The following AOAH variants were observed in gnomAD, a reference collection of about 807,000 sequenced individuals.
AOAH encodes the protein acyloxyacyl hydrolase (neutrophil).
Under a neutral mutation model 92.2 loss-of-function variants are expected in AOAH, and 64 were observed. That is an observed-to-expected ratio of 0.69 (90% confidence interval 0.57 to 0.86). AOAH has a LOEUF of 0.86. Among genes scored for constraint, AOAH ranks in the 40% least tolerant of loss-of-function variants. The pLI is 0.00. For missense variants in AOAH, 656 were observed against 694.6 expected, an observed-to-expected ratio of 0.94 and a Z score of 0.62; for synonymous variants, 263 against 254.5, an observed-to-expected ratio of 1.03 and a Z score of -0.32.
Position 36,522,108 on chromosome 7 carries a change from C to T in AOAH, c.1530G>A (p.Gln510=), listed in dbSNP as rs1204021444. The T allele has an allele frequency of 4.3e-6, 7 of 1,614,048 alleles. No homozygotes were observed. The highest frequency in any genetic ancestry group is 5.9e-6 in the Non-Finnish European group (7 of 1,180,016). The change falls in exon 20 of 21, where the codon CAG becomes CAA. Residue 510 remains glutamine, a synonymous_variant. Transcript: ENST00000617537. ...YMDFAFHEII[Q]EWQKRGGQPW... is the part of the protein sequence containing the mutation. ...GCTGTCCGCCTCTCTTCTGCCACTCCTGTATGACTGCAGGGCACATAACGA... is the reference window on the plus strand; with the variant it reads ...GCTGTCCGCCTCTCTTCTGCCACTCTTGTATGACTGCAGGGCACATAACGA...
chr7:36,514,692 T>C, intron 20 of AOAH: 1 of 803,516 alleles, frequency 1.2e-6, no homozygotes, highest in Admixed American at 2.2e-5. Flanking sequence ...CAATGAGAAA[T>C]GTGATTGCTG....
intron 9 of AOAH, among the ~76,000 whole-genome samples, chr7:36,618,806 T>C (rs562709646): frequency 1.4e-3 from 209 of 152,370 alleles, no homozygotes; most frequent in Non-Finnish European, 2.3e-3. Flanking sequence ...ACATTGGCAA[T>C]GTCTGGAGAC....
At chr7:36,644,003 A>G (rs778809571) in intron 4 of AOAH, among the ~76,000 whole-genome samples, 2 of 152,226 alleles carry the variant, frequency 1.3e-5, no homozygotes, top group South Asian at 2.1e-4. Context: ...GTATCTCTTT[A>G]TAGCAGTGCA....
chr7:36,700,945 C>T (rs1360640588), intron 1 of AOAH, among the ~76,000 whole-genome samples: 1 of 152,000 alleles, frequency 6.6e-6, no homozygotes, highest in Non-Finnish European at 1.5e-5. Flanking sequence ...TGATGTTGAA[C>T]ATTGTTTAAT....
At chr7:36,570,743 CATA>C (rs1004870875) in intron 13 of AOAH, among the ~76,000 whole-genome samples, 9 of 152,184 alleles carry the variant, frequency 5.9e-5, no homozygotes, top group Admixed American at 3.3e-4. Context: ...TTAAATGAAA[CATA>C]ATCTTGCCAA....
intron 1 of AOAH, among the ~76,000 whole-genome samples, chr7:36,722,778 C>CA (rs1189981816): frequency 4.0e-5 from 6 of 151,320 alleles, no homozygotes; most frequent in Admixed American, 1.3e-4. Context: ...ACTAAAAATA[C>CA]AAAAAATTAG....
At chr7:36,607,190 G>C (rs1271075242) in intron 11 of AOAH, among the ~76,000 whole-genome samples, 1 of 152,166 alleles carries the variant, frequency 6.6e-6, no homozygotes, top group African/African-American at 2.4e-5. Context: ...GGTCATGTAC[G>C]CACAGATGTG....
rs62445912 is a variant in AOAH at position 36,676,621 on chromosome 7, C to T, written c.224-2612G>A. ...TGAGCAGCAGATCCTAACATTCATA[C>T]GAAAAGTCAAGCGACTCAGAACACC... On this transcript the variant is annotated intron_variant, in intron 2 of 20. Transcript: ENST00000617537. Among the ~76,000 whole-genome samples the T allele has an allele frequency of 9.1e-3, 1,392 of 152,186 alleles. 13 individuals carry two copies. Among genetic ancestry groups the T allele is most frequent in the Non-Finnish European group, 0.014 (973 of 67,988 alleles).
At chr7:36,623,363 G>A in intron 6 of AOAH, 113 bp from the exon 7 acceptor site, 2 of 910,954 alleles carry the variant, frequency 2.2e-6, no homozygotes, top group Non-Finnish European at 3.4e-6. Flanking sequence ...ATGCCACAGA[G>A]GGCCATTCTA....
At chr7:36,720,395 T>G (rs980818908) in intron 1 of AOAH, among the ~76,000 whole-genome samples, 2 of 152,012 alleles carry the variant, frequency 1.3e-5, no homozygotes, top group Non-Finnish European at 2.9e-5. Flanking sequence ...CAGGTCTCAA[T>G]CTGCTGACCT....
At chr7:36,722,693 T>A (rs1319899923) in intron 1 of AOAH, among the ~76,000 whole-genome samples, 1 of 144,942 alleles carries the variant, frequency 6.9e-6, no homozygotes, top group Non-Finnish European at 1.5e-5. Flanking sequence ...CCCAGCACTT[T>A]GGGAGCCAAG....
rs554697657 is a variant in AOAH at position 36,635,277 on chromosome 7, A to G, written c.450+2574T>C. ...TCCCTGGGGACAGGAGTCATGCAGC[A>G]TCTTTGCTTTGCAATCTATTTAACC... On this transcript the variant is annotated intron_variant, in intron 5 of 20. Coordinates refer to ENST00000617537, the MANE Select transcript of AOAH (RefSeq NM_001637.4). Among the ~76,000 whole-genome samples, 52 of 152,356 alleles carry G rather than the reference A, an allele frequency of 3.4e-4. 1 individual carries two copies. In the Middle Eastern group the frequency reaches 0.01, roughly 30 times the overall value.
rs1440707835 is a variant in AOAH at position 36,513,304 on chromosome 7, T to A, written c.1676A>T (p.Asn559Ile). The change falls in exon 21 of 21, where the codon AAT becomes ATT. Residue 559 changes from asparagine (N) to isoleucine (I), a missense_variant. Transcript: ENST00000617537. The stretch of plus-strand genomic sequence containing the variant: ...CTGTTTAATCTGGGGGTTGAACGGA[T>A]TCTCCTTTCCCAGGATTTGGGGCCA... ...LQWPQILGKE[N>I]PFNPQIKQVF... 6.2e-7 allele frequency: 1 copy of A among 1,614,160 alleles called. No individual in the cohort carries two copies. Among genetic ancestry groups the A allele is most frequent in the Non-Finnish European group, 8.5e-7 (1 of 1,180,018 alleles).
At chr7:36,599,537 G>C (rs1417303857) in intron 11 of AOAH, among the ~76,000 whole-genome samples, 1 of 152,146 alleles carries the variant, frequency 6.6e-6, no homozygotes, top group African/African-American at 2.4e-5. Flanking sequence ...GTCACTTGGA[G>C]GAATCTAAGT....
intron 4 of AOAH, among the ~76,000 whole-genome samples, chr7:36,646,383 A>G (rs1467428491): frequency 6.6e-6 from 1 of 152,182 alleles, no homozygotes; most frequent in African/African-American, 2.4e-5. Flanking sequence ...TCTTATTTAT[A>G]GTATGTTGTC....
intron 3 of AOAH, 53 bp downstream of exon 3, chr7:36,673,890 T>C: frequency 7.5e-7 from 1 of 1,326,988 alleles, no homozygotes; most frequent in Middle Eastern, 1.8e-4. Flanking sequence ...AGTTTTCTTG[T>C]TCCTCCCATG....
chr7:36,715,845 A>C lies in AOAH; in HGVS notation c.127+8177T>G, dbSNP rs529151397. ...TAATTCAAGATGGATTAAAGACTTA[A>C]ATGTTAGACCTAAAACCATAAAAAC... is the stretch of plus-strand genomic sequence containing the variant. On this transcript the variant is annotated intron_variant, in intron 1 of 20. Transcript: ENST00000617537. Among the ~76,000 whole-genome samples the C allele has an allele frequency of 1.9e-3, 291 of 152,150 alleles. 6 individuals are homozygous for C. The highest frequency in any genetic ancestry group is 2.9e-3 in the South Asian group (14 of 4,804).
intron 4 of AOAH, among the ~76,000 whole-genome samples, chr7:36,656,880 T>C (rs12534388): frequency 1.0e-4 from 14 of 136,610 alleles, no homozygotes; most frequent in African/African-American, 3.7e-4. Flanking sequence ...AGAGGTTTGG[T>C]GGGGGGTGTT....
chr7:36,563,524 T>A (rs1787444190), intron 13 of AOAH, among the ~76,000 whole-genome samples: 1 of 152,158 alleles, frequency 6.6e-6, no homozygotes, highest in South Asian at 2.1e-4. Flanking sequence ...CTCCAGCTAT[T>A]CCATACACTC....
Sources: gnomAD v4.1 joint callset for allele counts (sites outside exome capture counted in the v4.1 genomes callset) on GRCh38, gnomAD v4.1.1 for gene constraint, MANE v1.5 for transcripts, NCBI Gene and HGNC (gene_info 2026-07-23, HGNC 2026-07-21) for gene names.